RGS6: variants seen among roughly 807,000 people sequenced by gnomAD.
RGS6 encodes the protein regulator of G-protein signaling 6.
Under a neutral mutation model 78.5 loss-of-function variants are expected in RGS6, and 30 were observed. The ratio of observed to expected loss-of-function variants is 0.38; its 90% CI spans 0.29 to 0.52. The LOEUF (loss-of-function observed/expected upper bound fraction) is 0.52, where lower values mean the gene tolerates loss of function less well. Among genes scored for constraint, RGS6 ranks in the 20% least tolerant of loss-of-function variants. The pLI is 0.85. For missense variants in RGS6, 495 were observed against 609.7 expected, an observed-to-expected ratio of 0.81 and a Z score of 1.98; for synonymous variants, 206 against 206.0, an observed-to-expected ratio of 1.00 and a Z score of 0.00.
chr14:72,612,285 T>C, the RGS6 span, among the ~76,000 whole-genome samples: 2 of 152,134 alleles, frequency 1.3e-5, no homozygotes, highest in African/African-American at 4.8e-5. Context: ...CCAAATGCCA[T>C]GTGGACCAGA....
chr14:72,461,121 C>A (rs374506033), intron 6 of RGS6, among the ~76,000 whole-genome samples: 1 of 152,148 alleles, frequency 6.6e-6, no homozygotes, highest in Non-Finnish European at 1.5e-5. Context: ...TGCATTTGAC[C>A]GCTCATAAAA....
chr14:72,467,973 C>G (rs537607381), intron 7 of RGS6, among the ~76,000 whole-genome samples: 5 of 152,312 alleles, frequency 3.3e-5, no homozygotes, highest in African/African-American at 1.2e-4. Context: ...TCCTGTGTGT[C>G]TCTTCCCCAT....
intron 2 of RGS6, among the ~76,000 whole-genome samples, chr14:72,089,941 A>G (rs2095206409): frequency 6.6e-6 from 1 of 152,088 alleles, no homozygotes; most frequent in Non-Finnish European, 1.5e-5. Context: ...AGGAAGGGAG[A>G]TTGGAAACAG....
chr14:72,421,696 A>C (rs1393790091), intron 3 of RGS6: 1 of 152,258 alleles, frequency 6.6e-6, no homozygotes, highest in Non-Finnish European at 1.5e-5. Context: ...TCAGTGGAGC[A>C]CCAAGGGGAG....
the RGS6 span, among the ~76,000 whole-genome samples, chr14:72,595,861 G>A: frequency 6.6e-5 from 10 of 152,116 alleles, no homozygotes; most frequent in African/African-American, 9.7e-5. Context: ...CCGCCCATTC[G>A]CGCTGCTTAA....
intron 2 of RGS6, among the ~76,000 whole-genome samples, chr14:72,276,645 A>C (rs944372362): frequency 6.6e-6 from 1 of 152,222 alleles, no homozygotes; most frequent in East Asian, 1.9e-4. Flanking sequence ...GTAGTGAATA[A>C]GTCTCATGAG....
intron 2 of RGS6, among the ~76,000 whole-genome samples, chr14:72,057,538 T>G (rs1019920319): frequency 6.6e-6 from 1 of 152,064 alleles, no homozygotes; most frequent in Non-Finnish European, 1.5e-5. Flanking sequence ...AAAGTGTATC[T>G]ATCTCTCTGT....
At chr14:72,066,665 C>G (rs2094161914) in intron 2 of RGS6, among the ~76,000 whole-genome samples, 1 of 151,764 alleles carries the variant, frequency 6.6e-6, no homozygotes, top group Non-Finnish European at 1.5e-5. Flanking sequence ...AAAAATAAGA[C>G]CCCAAGGGAG....
chr14:72,211,241 G>C (rs1174690028), intron 2 of RGS6, among the ~76,000 whole-genome samples: 1 of 152,200 alleles, frequency 6.6e-6, no homozygotes, highest in Non-Finnish European at 1.5e-5. Flanking sequence ...AGAAGCCAAG[G>C]AAAGTGTTTT....
chr14:72,113,767 T>C (rs572066876), intron 2 of RGS6, among the ~76,000 whole-genome samples: 3 of 152,254 alleles, frequency 2.0e-5, no homozygotes, highest in African/African-American at 7.2e-5. Context: ...TCTTTCAGGC[T>C]TAGACTTGGA....
intron 3 of RGS6, among the ~76,000 whole-genome samples, chr14:72,415,360 T>C (rs1381059960): frequency 6.6e-6 from 1 of 152,256 alleles, no homozygotes; most frequent in Non-Finnish European, 1.5e-5. Context: ...TATAATCTCC[T>C]GGTGTGCCAT....
intron 2 of RGS6, among the ~76,000 whole-genome samples, chr14:72,001,432 G>A (rs12884483): frequency 0.63 from 94,599 of 150,816 alleles, 30,283 homozygotes; most frequent in South Asian, 0.71. Flanking sequence ...AAGGAACTGA[G>A]TATTTTATAT....
chr14:72,427,444 G>A (rs1025675845), intron 3 of RGS6, among the ~76,000 whole-genome samples: 11 of 152,202 alleles, frequency 7.2e-5, no homozygotes, highest in African/African-American at 2.7e-4. Context: ...AGATCCTCCT[G>A]CTCCTAATTA....
At chr14:72,344,370 C>G (rs2077587472) in intron 2 of RGS6, among the ~76,000 whole-genome samples, 1 of 152,152 alleles carries the variant, frequency 6.6e-6, no homozygotes, top group African/African-American at 2.4e-5. Context: ...GCTCCCCACT[C>G]AACTGGTACT....
At chr14:72,569,701 AG>A (rs528106122), downstream of RGS6, among the ~76,000 whole-genome samples, 19 of 112,064 alleles carry the variant, frequency 1.7e-4, 1 homozygote, top group East Asian at 5.5e-3. Context: ...GAAGGCAGGG[AG>A]GGAGGGAGGG....
At chr14:72,118,111 C>T (rs996994095) in intron 2 of RGS6, among the ~76,000 whole-genome samples, 2 of 151,928 alleles carry the variant, frequency 1.3e-5, no homozygotes, top group African/African-American at 4.8e-5. Context: ...CGTGTGTGTA[C>T]ATGAACATCC....
chr14:72,317,767 C>T (rs2070730088), intron 2 of RGS6, among the ~76,000 whole-genome samples: 1 of 152,072 alleles, frequency 6.6e-6, no homozygotes, highest in Non-Finnish European at 1.5e-5. Context: ...CCAGTTTCCT[C>T]TTGAAAATCA....
At chr14:72,255,284 T>A (rs1594867380) in intron 2 of RGS6, among the ~76,000 whole-genome samples, 1 of 152,178 alleles carries the variant, frequency 6.6e-6, no homozygotes, top group East Asian at 1.9e-4. Context: ...TGGCCTAGGG[T>A]GCAAGAGCCA....
rs955128377 is a variant in RGS6, at chr14:72,562,942, C to T, written c.*475C>T. 2 of 636,266 alleles carry T rather than the reference C, an allele frequency of 3.1e-6. No homozygotes were observed. The highest frequency in any genetic ancestry group is 5.6e-6 in the Non-Finnish European group (2 of 355,278). The allele number at this position is 636,266 out of a possible 1,614,324, so 39.4% of individuals were successfully genotyped here. A position where few individuals can be genotyped will look rare whatever the true frequency, so the allele number is the denominator to read the frequency against. ...CTGGCACCTCCCATAGTTACAGCCACTACATCCCCACCGCCGCCTGTCATC... is the reference window on the plus strand; with the variant it reads ...CTGGCACCTCCCATAGTTACAGCCATTACATCCCCACCGCCGCCTGTCATC... On this transcript the variant is annotated 3_prime_UTR_variant, in exon 18 of 18. Coordinates refer to ENST00000553525, the MANE Select transcript of RGS6 (RefSeq NM_001204424.2).
Sources: gnomAD v4.1 joint callset for allele counts (sites outside exome capture counted in the v4.1 genomes callset) on GRCh38, gnomAD v4.1.1 for gene constraint, MANE v1.5 for transcripts, NCBI Gene and HGNC (gene_info 2026-07-23, HGNC 2026-07-21) for gene names.